PSPC1: variants seen among roughly 807,000 people sequenced by gnomAD.
The protein encoded by PSPC1 is paraspeckle component 1.
In PSPC1, 14 loss-of-function variants were observed where a neutral mutation model predicts 51.6. The observed-to-expected ratio is 0.27, with a 90% CI of 0.18 to 0.42. The LOEUF is 0.42. PSPC1 is among the 10% of genes least tolerant of loss of function. PSPC1 has a pLI of 1.00. For synonymous variants in PSPC1, 193 were observed against 231.9 expected, an observed-to-expected ratio of 0.83 and a Z score of 1.53; for missense variants, 406 against 701.1, an observed-to-expected ratio of 0.58 and a Z score of 4.75.
chr13:19,718,297 T>C (rs1014913017), intron 6 of PSPC1, among the ~76,000 whole-genome samples: 3 of 152,196 alleles, frequency 2.0e-5, no homozygotes, highest in African/African-American at 7.2e-5. Flanking sequence ...AATACATGCA[T>C]TCCTAAATAT....
At chr13:19,682,892 T>C (rs1479068014) in intron 6 of PSPC1, among the ~76,000 whole-genome samples, 1 of 151,482 alleles carries the variant, frequency 6.6e-6, no homozygotes, top group African/African-American at 2.4e-5. Context: ...TGAGAGACCC[T>C]GTCTCTCACT....
chr13:19,693,323 T>C (rs1416543851), intron 6 of PSPC1, among the ~76,000 whole-genome samples: 1 of 152,244 alleles, frequency 6.6e-6, no homozygotes, highest in Admixed American at 6.5e-5. Flanking sequence ...GAACTTTCTA[T>C]GCCCTTTATT....
Position 19,688,632 on chromosome 13 carries a change from C to T in PSPC1, c.1159-10809G>A, listed in dbSNP as rs527365904. On this transcript the variant is annotated intron_variant and NMD_transcript_variant, in intron 6 of 7. Coordinates refer to the PSPC1 transcript ENST00000471658. ...GAAGACAGGAGCACCTCATATCTAC[C>T]CCACGCTGGCTGCGTTTATCTTCGA... Among the ~76,000 whole-genome samples the T allele has an allele frequency of 7.0e-4, 106 of 152,224 alleles. 1 individual carries two copies. The highest frequency in any genetic ancestry group is 2.1e-3 in the African/African-American group (89 of 41,536).
chr13:19,734,838 C>A (rs1884574784), intron 5 of PSPC1, among the ~76,000 whole-genome samples: 1 of 150,816 alleles, frequency 6.6e-6, no homozygotes, highest in African/African-American at 2.4e-5. Context: ...ATTAGCCGGG[C>A]GTGGTGGCGT....
intron 6 of PSPC1, among the ~76,000 whole-genome samples, chr13:19,719,050 T>A (rs1427535908): frequency 1.3e-5 from 2 of 151,020 alleles, no homozygotes; most frequent in East Asian, 3.9e-4. Context: ...GTTCATGTCA[T>A]AGATTTGTCA....
chr13:19,726,301 C>A (rs1282345226), intron 6 of PSPC1, among the ~76,000 whole-genome samples: 4 of 152,118 alleles, frequency 2.6e-5, no homozygotes, highest in Admixed American at 1.3e-4. Context: ...CAATACAAGG[C>A]CAGTAGTTTT....
At chr13:19,740,682 C>A (rs1466493382) in intron 5 of PSPC1, among the ~76,000 whole-genome samples, 1 of 151,836 alleles carries the variant, frequency 6.6e-6, no homozygotes, top group Non-Finnish European at 1.5e-5. Flanking sequence ...ATGTTTATAC[C>A]ATTATATTTT....
intron 2 of PSPC1, among the ~76,000 whole-genome samples, chr13:19,762,431 A>C (rs1283921553): frequency 6.6e-6 from 1 of 152,274 alleles, no homozygotes; most frequent in Non-Finnish European, 1.5e-5. Context: ...GTGGTGGCAC[A>C]CGCCTGTAGT....
chr13:19,749,666 G>A (rs1466996601), intron 4 of PSPC1, among the ~76,000 whole-genome samples: 3 of 132,380 alleles, frequency 2.3e-5, no homozygotes, highest in Non-Finnish European at 4.6e-5. Context: ...ATGGAGTCTC[G>A]CTCTGTCTGT....
At chr13:19,712,098 C>T (rs949175219) in intron 6 of PSPC1, among the ~76,000 whole-genome samples, 2 of 152,130 alleles carry the variant, frequency 1.3e-5, no homozygotes, top group African/African-American at 4.8e-5. Context: ...GTATCTGTAA[C>T]AAGCAAATAT....
chr13:19,754,533 G>A (rs1405361965), intron 3 of PSPC1, among the ~76,000 whole-genome samples: 8 of 148,358 alleles, frequency 5.4e-5, no homozygotes, highest in Non-Finnish European at 1.0e-4. Context: ...TCCACCTCCC[G>A]GATTCAAGCG....
intron 6 of PSPC1, among the ~76,000 whole-genome samples, chr13:19,713,909 T>C (rs1456102010): frequency 6.6e-6 from 1 of 152,116 alleles, no homozygotes; most frequent in Admixed American, 6.6e-5. Flanking sequence ...CAGACTTTTC[T>C]CTGTATCAAC....
intron 6 of PSPC1, among the ~76,000 whole-genome samples, chr13:19,690,418 A>G (rs764578315): frequency 6.6e-6 from 1 of 152,210 alleles, no homozygotes; most frequent in Non-Finnish European, 1.5e-5. Flanking sequence ...AACCTCTCCC[A>G]TTTGTGTTGG....
At chr13:19,756,655 A>T (rs1887103211) in intron 3 of PSPC1, among the ~76,000 whole-genome samples, 1 of 151,384 alleles carries the variant, frequency 6.6e-6, no homozygotes, top group Non-Finnish European at 1.5e-5. Flanking sequence ...GCGTGCCACC[A>T]CACCCGGCTG....
At position 19,780,462 on chromosome 13, in the gene PSPC1, C is replaced by T. The variant is rs1340977494; in HGVS notation, c.372+1924G>A. Among the ~76,000 whole-genome samples, 27 of 39,410 alleles carry T rather than the reference C, an allele frequency of 6.9e-4. No homozygotes were observed. The Admixed American group carries it at 8.0e-3, about 12-fold the overall frequency. 25.9% of individuals were successfully genotyped at this position (39,410 alleles called of 152,430 possible). ...ATGGGAGACTTTTCATTTTGTTCTG[C>T]ACTAAGAAAAATTCCTCTGCCTTGG... is the stretch of plus-strand genomic sequence containing the variant. On this transcript the variant is annotated intron_variant, in intron 1 of 8. Transcript: ENST00000338910.
intron 6 of PSPC1, among the ~76,000 whole-genome samples, chr13:19,715,537 CT>C (rs1454105647): frequency 2.0e-5 from 3 of 152,166 alleles, no homozygotes; most frequent in Non-Finnish European, 4.4e-5. Flanking sequence ...AGATTCCATA[CT>C]TGACCTCATG....
intron 3 of PSPC1, among the ~76,000 whole-genome samples, chr13:19,752,864 G>C (rs908380109): frequency 3.5e-4 from 53 of 151,906 alleles, no homozygotes; most frequent in African/African-American, 1.2e-3. Flanking sequence ...GGGATTACAG[G>C]CGTGAGCCAC....
intron 1 of PSPC1, among the ~76,000 whole-genome samples, chr13:19,780,850 A>C (rs1437299963): frequency 6.6e-6 from 1 of 152,138 alleles, no homozygotes; most frequent in Non-Finnish European, 1.5e-5. Flanking sequence ...CAGACAGAGA[A>C]CCCAATTTTG....
intron 6 of PSPC1, among the ~76,000 whole-genome samples, chr13:19,724,163 T>C (rs897416791): frequency 2.0e-5 from 3 of 152,346 alleles, no homozygotes; most frequent in Middle Eastern, 3.4e-3. Flanking sequence ...ATTAGAGCTT[T>C]AAAAACTGTA....
Sources: allele counts gnomAD v4.1 joint callset (sites outside exome capture counted in the v4.1 genomes callset), GRCh38; gene constraint gnomAD v4.1.1; transcripts MANE v1.5; gene names NCBI Gene and HGNC (gene_info 2026-07-23, HGNC 2026-07-21).